The following ADAMTS19 variants were observed in gnomAD, a reference collection of about 807,000 sequenced individuals.
ADAMTS19 encodes A disintegrin and metalloproteinase with thrombospondin motifs 19.
A neutral mutation model predicts 153.3 loss-of-function variants in ADAMTS19; 93 were observed. That is an observed-to-expected ratio of 0.61 (90% CI 0.51 to 0.72). ADAMTS19 has a LOEUF of 0.72. Among genes scored for constraint, ADAMTS19 ranks in the 30% least tolerant of loss-of-function variants. ADAMTS19 has a pLI of 0.00. For synonymous variants in ADAMTS19, 600 were observed against 556.6 expected, an observed-to-expected ratio of 1.08 and a Z score of -1.10; for missense variants, 1,482 against 1,552.1, an observed-to-expected ratio of 0.95 and a Z score of 0.76.
chr5:129,607,668 T>C (rs1449021664), intron 8 of ADAMTS19, among the ~76,000 whole-genome samples: 2 of 152,200 alleles, frequency 1.3e-5, no homozygotes, highest in Non-Finnish European at 2.9e-5. Context: ...AGATAAACTG[T>C]ATGAAAATAC....
At chr5:129,482,041 A>T (rs1430913546) in intron 2 of ADAMTS19, among the ~76,000 whole-genome samples, 1 of 152,160 alleles carries the variant, frequency 6.6e-6, no homozygotes, top group African/African-American at 2.4e-5. Flanking sequence ...AGCATAGAAC[A>T]TTTAAGGACT....
chr5:129,674,484 C>A (rs983563645), intron 16 of ADAMTS19, among the ~76,000 whole-genome samples: 2 of 152,082 alleles, frequency 1.3e-5, no homozygotes, highest in African/African-American at 4.8e-5. Flanking sequence ...GTCTTTTTCT[C>A]TGGCTTCTGT....
intron 17 of ADAMTS19, among the ~76,000 whole-genome samples, chr5:129,680,418 C>T (rs765301269): frequency 1.2e-4 from 18 of 152,064 alleles, no homozygotes; most frequent in East Asian, 5.8e-4. Flanking sequence ...TAAAGAATTA[C>T]GAAAATTTGA....
At position 129,737,078 on chromosome 5, in the gene ADAMTS19, T is replaced by G. The variant is rs1410570839; in HGVS notation, c.3502T>G (p.Phe1168Val). ...ITSPRLAALT[F>V]KCLGDQWPVY... is the part of the protein sequence containing the mutation. The stretch of plus-strand genomic sequence containing the variant: ...GTTCTGTTTCACAGCTGCTCTGACT[T>G]TCAAGTGCCTGGGAGATCAGTGGCC... Residue 1168 changes from phenylalanine to valine, a missense_variant, in exon 23 of 23, where the codon TTC becomes GTC. This residue lies in a region of ADAMTS19 where 616 missense variants were observed against 724.4 expected (regional missense o/e 0.85). Transcript: ENST00000274487. The G allele has an allele frequency of 3.8e-6, 6 of 1,590,982 alleles. No homozygotes were observed. The highest frequency in any genetic ancestry group is 5.1e-6 in the Non-Finnish European group (6 of 1,165,354).
At chr5:129,614,433 A>C (rs988736951) in intron 8 of ADAMTS19, among the ~76,000 whole-genome samples, 16 of 152,100 alleles carry the variant, frequency 1.1e-4, no homozygotes, top group Non-Finnish European at 2.1e-4. Flanking sequence ...AAAGACAAAA[A>C]CCACATGATT....
intron 18 of ADAMTS19, among the ~76,000 whole-genome samples, chr5:129,694,088 A>C (rs187516370): frequency 6.6e-6 from 1 of 152,304 alleles, no homozygotes; most frequent in East Asian, 1.9e-4. Context: ...TCCACCACTT[A>C]ATGCTAAAAG....
At chr5:129,671,005 GC>G (rs1754278012) in intron 16 of ADAMTS19, among the ~76,000 whole-genome samples, 2 of 152,144 alleles carry the variant, frequency 1.3e-5, no homozygotes, top group Non-Finnish European at 2.9e-5. Flanking sequence ...CACCATCTAT[GC>G]CCCTAAACAG....
At chr5:129,686,354 G>C (rs1755090258) in intron 18 of ADAMTS19, among the ~76,000 whole-genome samples, 1 of 152,100 alleles carries the variant, frequency 6.6e-6, no homozygotes, top group South Asian at 2.1e-4. Context: ...ATGGTGATAG[G>C]ATTGATGGAG....
intron 2 of ADAMTS19, among the ~76,000 whole-genome samples, chr5:129,504,419 G>A (rs997205710): frequency 6.6e-6 from 1 of 152,032 alleles, no homozygotes; most frequent in Non-Finnish European, 1.5e-5. Flanking sequence ...CATATTTTTG[G>A]TGTGCAAAAT....
intron 7 of ADAMTS19, among the ~76,000 whole-genome samples, chr5:129,565,470 T>C (rs1423037903): frequency 6.6e-6 from 1 of 152,192 alleles, no homozygotes; most frequent in Non-Finnish European, 1.5e-5. Flanking sequence ...GTTCTTGCAT[T>C]TCAGATGATC....
intron 18 of ADAMTS19, among the ~76,000 whole-genome samples, chr5:129,688,570 TGAAA>T (rs1407736037): frequency 6.6e-6 from 1 of 152,172 alleles, no homozygotes; most frequent in Non-Finnish European, 1.5e-5. Context: ...TTATAAGATA[TGAAA>T]AGCCTAAGAG....
intron 14 of ADAMTS19, among the ~76,000 whole-genome samples, chr5:129,658,347 A>AGAGAG (rs1554103336): frequency 2.6e-5 from 3 of 115,992 alleles, no homozygotes; most frequent in African/African-American, 1.1e-4. Context: ...GAAAGAAAGA[A>AGAGAG]AGAAAGAAAG....
chr5:129,553,873 G>A (rs1004318438), intron 7 of ADAMTS19, among the ~76,000 whole-genome samples: 6 of 152,040 alleles, frequency 3.9e-5, no homozygotes, highest in Non-Finnish European at 8.8e-5. Context: ...GCCTATGTCT[G>A]GAGTCATATA....
At chr5:129,492,675 T>C (rs1417925264) in intron 2 of ADAMTS19, among the ~76,000 whole-genome samples, 6 of 152,200 alleles carry the variant, frequency 3.9e-5, no homozygotes, top group Non-Finnish European at 8.8e-5. Flanking sequence ...TTTGCTATAC[T>C]GCTTTAAATA....
At chr5:129,551,543 CT>C (rs1210445496) in intron 6 of ADAMTS19, among the ~76,000 whole-genome samples, 2 of 146,246 alleles carry the variant, frequency 1.4e-5, no homozygotes, top group Non-Finnish European at 3.0e-5. Context: ...AATGGAAAGC[CT>C]TGTCCCAATA....
chr5:129,634,404 G>T (rs1752438896), intron 10 of ADAMTS19, among the ~76,000 whole-genome samples: 1 of 152,008 alleles, frequency 6.6e-6, no homozygotes, highest in Non-Finnish European at 1.5e-5. Flanking sequence ...AACTACCATT[G>T]ATATTCATCA....
At chr5:129,578,439 TATATACACAC>T (rs548604742) in intron 7 of ADAMTS19, among the ~76,000 whole-genome samples, 7 of 150,522 alleles carry the variant, frequency 4.7e-5, no homozygotes, top group South Asian at 2.1e-4. Flanking sequence ...TATGCATGTA[TATATACACAC>T]ATATACACAC....
At chr5:129,612,272 G>A (rs1751265886) in intron 8 of ADAMTS19, among the ~76,000 whole-genome samples, 1 of 151,424 alleles carries the variant, frequency 6.6e-6, no homozygotes, top group African/African-American at 2.4e-5. Flanking sequence ...ATGGTTTCCA[G>A]TTTCATCCAT....
At chr5:129,694,906 G>T in intron 19 of ADAMTS19, 51 bp downstream of exon 19, 1 of 1,430,642 alleles carries the variant, frequency 7.0e-7, no homozygotes, top group Non-Finnish European at 9.3e-7. Context: ...TTAGATTGCT[G>T]TCCTTTAAAA....
Sources: gnomAD v4.1 joint callset for allele counts (sites outside exome capture counted in the v4.1 genomes callset) on GRCh38, gnomAD v4.1.1 for gene constraint, gnomAD v4.1.1 regional missense constraint, MANE v1.5 for transcripts, NCBI Gene and HGNC (gene_info 2026-07-23, HGNC 2026-07-21) for gene names.